Variants in APBB2 observed in about 807,000 individuals in gnomAD.
The protein encoded by APBB2 is amyloid beta precursor protein binding family B member 2.
A neutral mutation model predicts 82.5 loss-of-function variants in APBB2; 38 were observed. The observed-to-expected ratio is 0.46, with a 90% CI of 0.36 to 0.60. The LOEUF (loss-of-function observed/expected upper bound fraction) is 0.60. Ranked by LOEUF, APBB2 falls within the 20% of genes least tolerant of loss-of-function variation. The probability of loss-of-function intolerance (pLI) is 0.00; values close to 1 mark genes in which losing one functional copy is unlikely to be tolerated. For synonymous variants in APBB2, 341 were observed against 368.2 expected (o/e 0.93, Z 0.85); for missense variants, 772 against 972.3 (o/e 0.79, Z 2.74).
intron 1 of APBB2, among the ~76,000 whole-genome samples, chr4:41,161,953 A>C (rs1488690646): frequency 6.6e-6 from 1 of 152,174 alleles, no homozygotes; most frequent in East Asian, 1.9e-4. Context: ...TTATTAACTC[A>C]TGGGGAATCT....
chr4:41,017,990 A>C (rs1455353287), intron 5 of APBB2, among the ~76,000 whole-genome samples: 1 of 152,254 alleles, frequency 6.6e-6, no homozygotes, highest in African/African-American at 2.4e-5. Flanking sequence ...ACTCTTTAAC[A>C]CAACCAACAA....
At chr4:40,936,233 G>C (rs1437989871) in intron 7 of APBB2, among the ~76,000 whole-genome samples, 1 of 152,134 alleles carries the variant, frequency 6.6e-6, no homozygotes, top group African/African-American at 2.4e-5. Context: ...TGTCTTGTGC[G>C]TCGAAAGATG....
At chr4:41,036,617 C>T (rs976361467) in intron 4 of APBB2, among the ~76,000 whole-genome samples, 1 of 152,086 alleles carries the variant, frequency 6.6e-6, no homozygotes, top group Admixed American at 6.5e-5. Context: ...AGGAAAATAA[C>T]TTAGGTGTAA....
intron 3 of APBB2, among the ~76,000 whole-genome samples, chr4:41,094,476 T>C (rs568627350): frequency 6.6e-6 from 1 of 152,372 alleles, no homozygotes; most frequent in East Asian, 1.9e-4. Flanking sequence ...TACTGGACTT[T>C]AACTGTATAA....
intron 12 of APBB2, among the ~76,000 whole-genome samples, chr4:40,846,326 C>CAAAAAAA (rs3086182): frequency 1.3e-4 from 8 of 62,514 alleles, no homozygotes; most frequent in African/African-American, 5.2e-4. Flanking sequence ...GAAAACACTC[C>CAAAAAAA]AAAAAAAAAA....
chr4:40,839,976 GT>G (rs1330875628), intron 12 of APBB2, among the ~76,000 whole-genome samples: 2 of 152,252 alleles, frequency 1.3e-5, no homozygotes, highest in African/African-American at 4.8e-5. Flanking sequence ...CACGAGGGGT[GT>G]TTTTTAATAA....
At chr4:40,966,267 T>C (rs1393491031) in intron 6 of APBB2, among the ~76,000 whole-genome samples, 3 of 152,152 alleles carry the variant, frequency 2.0e-5, no homozygotes, top group East Asian at 1.9e-4. Context: ...CGAACTGCTA[T>C]GTAGTAAAGG....
intron 12 of APBB2, among the ~76,000 whole-genome samples, chr4:40,882,632 C>G (rs6844555): frequency 0.17 from 25,950 of 152,074 alleles, 2,571 homozygotes; most frequent in Admixed American, 0.28. Context: ...CCTTCGAGTG[C>G]TGCACAGTCA....
At chr4:41,096,917 G>C (rs1246090512) in intron 3 of APBB2, among the ~76,000 whole-genome samples, 1 of 152,180 alleles carries the variant, frequency 6.6e-6, no homozygotes, top group African/African-American at 2.4e-5. Flanking sequence ...TGAATAATGA[G>C]CTCCTGGCAC....
chr4:41,099,119 A>G (rs1744499288), intron 3 of APBB2, among the ~76,000 whole-genome samples: 1 of 152,158 alleles, frequency 6.6e-6, no homozygotes, highest in South Asian at 2.1e-4. Context: ...CTTACTTTCA[A>G]CTAATTCATA....
intron 12 of APBB2, among the ~76,000 whole-genome samples, chr4:40,831,841 G>A (rs1419402164): frequency 3.9e-5 from 6 of 152,092 alleles, no homozygotes; most frequent in Admixed American, 6.6e-5. Flanking sequence ...GCATGCAGCC[G>A]ATGTTGGGTG....
At chr4:40,855,425 A>G (rs1449230720) in intron 12 of APBB2, among the ~76,000 whole-genome samples, 1 of 152,192 alleles carries the variant, frequency 6.6e-6, no homozygotes, top group Non-Finnish European at 1.5e-5. Flanking sequence ...TGTTTCTCAC[A>G]TCTGCAAAGT....
At chr4:40,874,142 C>T (rs1411000615) in intron 12 of APBB2, among the ~76,000 whole-genome samples, 49 of 152,132 alleles carry the variant, frequency 3.2e-4, no homozygotes, top group Admixed American at 3.2e-3. Context: ...ATTTCTGATC[C>T]ACAAAAACAG....
chr4:41,007,250 G>T (rs1053397681), intron 6 of APBB2, among the ~76,000 whole-genome samples: 1 of 151,874 alleles, frequency 6.6e-6, no homozygotes, highest in Admixed American at 6.6e-5. Context: ...AAGCTGACAT[G>T]CATTCTCTTT....
chr4:40,851,738 A>ATATATATATATTT (rs1192919460), intron 12 of APBB2, among the ~76,000 whole-genome samples: 38 of 67,720 alleles, frequency 5.6e-4, no homozygotes, highest in Non-Finnish European at 1.1e-3. Flanking sequence ...ATATATATAT[A>ATATATATATATTT]TTTTTTTTTT....
At chr4:40,853,996 C>T (rs1378187359) in intron 12 of APBB2, among the ~76,000 whole-genome samples, 6 of 152,214 alleles carry the variant, frequency 3.9e-5, no homozygotes, top group African/African-American at 1.4e-4. Context: ...CCTCATCTGT[C>T]TCAGTCCTTC....
At chr4:41,001,163 G>A (rs1805117807) in intron 6 of APBB2, among the ~76,000 whole-genome samples, 1 of 152,148 alleles carries the variant, frequency 6.6e-6, no homozygotes, top group Non-Finnish European at 1.5e-5. Context: ...GCATGGAGTT[G>A]GAGTCATCTC....
Position 40,935,198 on chromosome 4 carries a change from AAAAG to A in APBB2, c.1045-63_1045-60del, listed in dbSNP as rs1438278582. On this transcript the variant is annotated intron_variant, in intron 7 of 17. Coordinates refer to ENST00000508593, the MANE Select transcript of APBB2 (RefSeq NM_004307.2). ...ACATTGATTTAAAGAAAAAGAAAAG[AAAAG>A]AAAAAAAAAAAACACAAGACACTGT... is the stretch of plus-strand genomic sequence containing the variant. 232 of 1,134,590 alleles carry A rather than the reference AAAAG, an allele frequency of 2.0e-4. 1 individual carries two copies. In the South Asian group the frequency reaches 2.9e-3, roughly 14 times the overall value. The allele number at this position is 1,134,590 out of a possible 1,614,324, so 70.3% of individuals were successfully genotyped here.
At chr4:40,897,695 G>A (rs959630728) in intron 10 of APBB2, among the ~76,000 whole-genome samples, 1 of 152,120 alleles carries the variant, frequency 6.6e-6, no homozygotes, top group Non-Finnish European at 1.5e-5. Context: ...AGGTGTAAGC[G>A]GGACTAGGCA....
Sources: allele counts gnomAD v4.1 joint callset (sites outside exome capture counted in the v4.1 genomes callset), GRCh38; gene constraint gnomAD v4.1.1; transcripts MANE v1.5; gene names NCBI Gene and HGNC (gene_info 2026-07-23, HGNC 2026-07-21).